The following FGF12 variants were observed in gnomAD, a reference collection of about 807,000 sequenced individuals.
The protein encoded by FGF12 is fibroblast growth factor 12B.
In FGF12, 14 loss-of-function variants were observed where a neutral mutation model predicts 23.6. That is an observed-to-expected ratio of 0.59 (90% CI 0.39 to 0.93). FGF12 has a LOEUF of 0.93. FGF12 is among the 40% of genes least tolerant of loss of function. The probability of loss-of-function intolerance (pLI) is 0.00; values close to 1 mark genes in which losing one functional copy is unlikely to be tolerated. For missense variants in FGF12, 175 were observed against 217.8 expected (o/e 0.80, Z 1.24); for synonymous variants, 62 against 77.3 (o/e 0.80, Z 1.04).
At chr3:192,368,182 C>T (rs1719070815) in intron 2 of FGF12, among the ~76,000 whole-genome samples, 2 of 152,174 alleles carry the variant, frequency 1.3e-5, no homozygotes, top group Admixed American at 1.3e-4. Flanking sequence ...GCAACTACTT[C>T]AACTATGACT....
intron 4 of FGF12, among the ~76,000 whole-genome samples, chr3:192,328,087 C>A (rs74833154): frequency 0.015 from 2,323 of 152,160 alleles, 60 homozygotes; most frequent in African/African-American, 0.052. Context: ...AGAAAATAGA[C>A]GGTAGTCAGA....
intron 2 of FGF12, among the ~76,000 whole-genome samples, chr3:192,486,585 G>A (rs1047385393): frequency 1.3e-5 from 2 of 152,186 alleles, no homozygotes; most frequent in Admixed American, 6.6e-5. Flanking sequence ...ACTGTGGCTC[G>A]AAAATTGTGA....
chr3:192,423,775 ATATTT>A (rs1283107076), intron 2 of FGF12, among the ~76,000 whole-genome samples: 2 of 152,178 alleles, frequency 1.3e-5, no homozygotes, highest in Non-Finnish European at 2.9e-5. Context: ...ATTAAAGACT[ATATTT>A]TAGGCTTTTT....
At chr3:192,304,874 T>G (rs1211478979) in intron 4 of FGF12, among the ~76,000 whole-genome samples, 1 of 152,230 alleles carries the variant, frequency 6.6e-6, no homozygotes, top group Non-Finnish European at 1.5e-5. Flanking sequence ...TATAAGCTCC[T>G]TTGAGAGCAG....
At chr3:192,434,805 G>A (rs962088831) in intron 2 of FGF12, among the ~76,000 whole-genome samples, 21 of 151,848 alleles carry the variant, frequency 1.4e-4, no homozygotes, top group African/African-American at 4.8e-4. Flanking sequence ...CTGTTTATTA[G>A]TTTAAAACCC....
intron 2 of FGF12, among the ~76,000 whole-genome samples, chr3:192,688,199 G>A (rs368884733): frequency 2.2e-4 from 34 of 151,888 alleles, no homozygotes; most frequent in African/African-American, 5.1e-4. Flanking sequence ...CACCAAGAAC[G>A]ACCTAATTGC....
At chr3:192,650,284 A>G (rs1716168932) in intron 2 of FGF12, among the ~76,000 whole-genome samples, 1 of 152,230 alleles carries the variant, frequency 6.6e-6, no homozygotes, top group South Asian at 2.1e-4. Flanking sequence ...AGTTTCTACT[A>G]CCAACCTACA....
intron 2 of FGF12, among the ~76,000 whole-genome samples, chr3:192,476,462 T>C (rs982483148): frequency 1.3e-5 from 2 of 152,162 alleles, no homozygotes; most frequent in East Asian, 1.9e-4. Flanking sequence ...CCACAACATA[T>C]GGGAAGTACT....
intron 2 of FGF12, among the ~76,000 whole-genome samples, chr3:192,608,168 G>A (rs1462256836): frequency 1.3e-5 from 2 of 152,172 alleles, no homozygotes; most frequent in African/African-American, 4.8e-5. Context: ...GGGGCAGTGG[G>A]AAGTGATGAC....
At chr3:192,690,438 GC>G in intron 2 of FGF12, among the ~76,000 whole-genome samples, 1 of 152,038 alleles carries the variant, frequency 6.6e-6, no homozygotes, top group African/African-American at 2.4e-5. Context: ...AAACCATAAA[GC>G]TTTGCCTGTG....
At chr3:192,703,310 A>C (rs1718361854) in intron 2 of FGF12, among the ~76,000 whole-genome samples, 1 of 152,238 alleles carries the variant, frequency 6.6e-6, no homozygotes, top group Admixed American at 6.5e-5. Context: ...TAAGTGTATA[A>C]GAGCATTATG....
intron 5 of FGF12, among the ~76,000 whole-genome samples, chr3:192,146,830 T>C (rs1373416129): frequency 6.6e-6 from 1 of 152,198 alleles, no homozygotes; most frequent in Non-Finnish European, 1.5e-5. Flanking sequence ...GTATTGCAAA[T>C]TGACATCTGA....
intron 2 of FGF12, among the ~76,000 whole-genome samples, chr3:192,652,439 G>A (rs1477611214): frequency 1.3e-5 from 2 of 152,176 alleles, no homozygotes; most frequent in African/African-American, 2.4e-5. Context: ...AGTGGGCATC[G>A]TTTTGTTCAG....
At chr3:192,646,378 A>T (rs1316938807) in intron 2 of FGF12, among the ~76,000 whole-genome samples, 1 of 152,120 alleles carries the variant, frequency 6.6e-6, no homozygotes, top group Non-Finnish European at 1.5e-5. Context: ...TAATATAAAT[A>T]TATGAGTCAT....
chr3:192,590,730 G>C (rs912392165), intron 2 of FGF12, among the ~76,000 whole-genome samples: 13 of 151,760 alleles, frequency 8.6e-5, no homozygotes, highest in African/African-American at 3.1e-4. Flanking sequence ...TAATCACATG[G>C]ACCTTGCCAC....
Position 192,594,360 on chromosome 3 carries a change from T to C in FGF12, c.13+132821A>G, listed in dbSNP as rs73887639. On this transcript the variant is annotated intron_variant, in intron 2 of 5. Coordinates refer to ENST00000445105, the MANE Select transcript of FGF12 (RefSeq NM_004113.6). The stretch of plus-strand genomic sequence containing the variant: ...TTAAAGAAAAAATTTCACATATAAA[T>C]CTTGATCTCCATTTTCCTTTAAAAG... 5.0e-3 allele frequency among the ~76,000 whole-genome samples: 763 copies of C among 152,014 alleles called. 4 individuals are homozygous for C. The highest frequency in any genetic ancestry group is 0.018 in the African/African-American group (742 of 41,514).
Position 192,725,284 on chromosome 3 carries a change from G to GTTT in FGF12, c.13+1894_13+1896dup, listed in dbSNP as rs34196239. Among the ~76,000 whole-genome samples, 131 of 143,484 alleles carry GTTT rather than the reference G, an allele frequency of 9.1e-4. 1 individual carries two copies. The highest frequency in any genetic ancestry group is 3.2e-3 in the African/African-American group (128 of 39,510). 94.1% of individuals were successfully genotyped at this position (143,484 alleles called of 152,430 possible). A position where few individuals can be genotyped will look rare whatever the true frequency, so the allele number is the denominator to read the frequency against. On this transcript the variant is annotated intron_variant, in intron 2 of 5. Transcript: ENST00000445105. ...TAACATGCATAAAGACTTTCATCAT[G>GTTT]TTTTTTTTTTTTTTCAGAGGCAATT...
At chr3:192,511,144 A>G (rs1410398972) in intron 2 of FGF12, among the ~76,000 whole-genome samples, 2 of 152,188 alleles carry the variant, frequency 1.3e-5, no homozygotes, top group African/African-American at 2.4e-5. Flanking sequence ...CAGAAGAGTC[A>G]TAACTATACA....
chr3:192,599,352 T>C (rs1323695068), intron 2 of FGF12, among the ~76,000 whole-genome samples: 2 of 151,796 alleles, frequency 1.3e-5, no homozygotes, highest in South Asian at 4.2e-4. Context: ...ACTAAATATG[T>C]GATCTTCAGT....
Sources: gnomAD v4.1 joint callset for allele counts (sites outside exome capture counted in the v4.1 genomes callset) on GRCh38, gnomAD v4.1.1 for gene constraint, MANE v1.5 for transcripts, NCBI Gene and HGNC (gene_info 2026-07-23, HGNC 2026-07-21) for gene names.